The following TFEC variants were observed in gnomAD, a reference collection of about 807,000 sequenced individuals.
The protein encoded by TFEC is class E basic helix-loop-helix protein 34.
In TFEC, 31 loss-of-function variants were observed where a neutral mutation model predicts 41.6. That is an observed-to-expected ratio of 0.74 (90% CI 0.56 to 1.01). TFEC has a LOEUF of 1.01. TFEC is among the 50% of genes least tolerant of loss of function. TFEC has a pLI of 0.00. For synonymous variants in TFEC, 143 were observed against 140.6 expected (o/e 1.02, Z -0.12); for missense variants, 402 against 404.1 (o/e 0.99, Z 0.04).
chr7:116,045,754 G>A (rs540867208), intron 3 of TFEC, among the ~76,000 whole-genome samples: 1 of 152,294 alleles, frequency 6.6e-6, no homozygotes, highest in South Asian at 2.1e-4. Flanking sequence ...CCCCAGAATG[G>A]TAGATCCATT....
intron 1 of TFEC, among the ~76,000 whole-genome samples, chr7:116,003,672 C>A (rs962817648): frequency 1.3e-5 from 2 of 152,052 alleles, no homozygotes; most frequent in African/African-American, 4.8e-5. Context: ...TTTACCACCA[C>A]CAACAGGATA....
At chr7:116,001,221 G>A (rs142007847) in intron 1 of TFEC, among the ~76,000 whole-genome samples, 1 of 152,254 alleles carries the variant, frequency 6.6e-6, no homozygotes, top group East Asian at 1.9e-4. Context: ...TTCAATAAAT[G>A]ATGCTGGGAA....
At chr7:116,099,177 G>A (rs1363268371) in intron 3 of TFEC, among the ~76,000 whole-genome samples, 1 of 152,016 alleles carries the variant, frequency 6.6e-6, no homozygotes, top group Admixed American at 6.6e-5. Context: ...ACAAAGAATC[G>A]GTATCAAAAA....
intron 1 of TFEC, among the ~76,000 whole-genome samples, chr7:116,146,465 T>C (rs1798643682): frequency 6.6e-6 from 1 of 152,206 alleles, no homozygotes; most frequent in African/African-American, 2.4e-5. Context: ...TGGAGAAATT[T>C]AATGATCTTC....
chr7:115,994,876 C>T (rs187109672), intron 1 of TFEC, among the ~76,000 whole-genome samples: 109 of 152,052 alleles, frequency 7.2e-4, no homozygotes, highest in African/African-American at 2.4e-3. Flanking sequence ...TAAATCATGC[C>T]GCTATAAAGA....
At chr7:116,128,436 C>T (rs1798259749) in intron 1 of TFEC, among the ~76,000 whole-genome samples, 1 of 152,028 alleles carries the variant, frequency 6.6e-6, no homozygotes, top group African/African-American at 2.4e-5. Context: ...AATTATTCAA[C>T]AAGAATATAA....
intron 3 of TFEC, among the ~76,000 whole-genome samples, chr7:116,062,225 CTTTTTTT>C (rs569480964): frequency 1.9e-5 from 1 of 51,900 alleles, no homozygotes; most frequent in African/African-American, 1.1e-4. Flanking sequence ...CATGCCTGGC[CTTTTTTT>C]TTTTTTTTTT....
At chr7:115,989,136 T>C (rs948955927) in intron 1 of TFEC, among the ~76,000 whole-genome samples, 1 of 152,160 alleles carries the variant, frequency 6.6e-6, no homozygotes, top group African/African-American at 2.4e-5. Flanking sequence ...AAGAAAATAA[T>C]GTAGGTCAAA....
rs187009749 is a variant in TFEC at position 116,137,357 on chromosome 7, G to A, written c.-69+22433C>T. ...TACCAGTGGACTTCTAAATCCTCAAGGGAAAGAAATAAACACACACAGTGC... is the reference window on the plus strand; with the variant it reads ...TACCAGTGGACTTCTAAATCCTCAAAGGAAAGAAATAAACACACACAGTGC... On this transcript the variant is annotated intron_variant, in intron 1 of 8. Transcript: ENST00000484212. Among the ~76,000 whole-genome samples the A allele has an allele frequency of 2.1e-4, 32 of 152,224 alleles. 1 individual carries two copies. The highest frequency in any genetic ancestry group is 7.0e-4 in the African/African-American group (29 of 41,564).
intron 1 of TFEC, among the ~76,000 whole-genome samples, chr7:116,143,042 C>T (rs1798572623): frequency 6.6e-6 from 1 of 152,174 alleles, no homozygotes; most frequent in Admixed American, 6.5e-5. Flanking sequence ...TTCAGTCTCA[C>T]AGGATGTGAA....
upstream of TFEC, chr7:116,030,924 C>A: frequency 1.4e-6 from 1 of 702,366 alleles, no homozygotes; most frequent in Non-Finnish European, 1.7e-6. Context: ...AAATATGCCA[C>A]TAATTTGAGA....
chr7:116,127,090 G>GTTTTTGT (rs568486034), intron 1 of TFEC, among the ~76,000 whole-genome samples: 4 of 149,350 alleles, frequency 2.7e-5, no homozygotes, highest in Non-Finnish European at 4.5e-5. Context: ...TTTGGTTTTT[G>GTTTTTGT]TTTTTGTTTT....
At chr7:115,964,273 G>T (rs1792728506) in intron 3 of TFEC, among the ~76,000 whole-genome samples, 1 of 151,348 alleles carries the variant, frequency 6.6e-6, no homozygotes, top group Non-Finnish European at 1.5e-5. Flanking sequence ...ACTTCACAAA[G>T]AAAAAATCTG....
At position 116,017,833 on chromosome 7, in the gene TFEC, A is replaced by G. The variant is rs185464275; in HGVS notation, c.-73+12800T>C. 3.3e-5 allele frequency among the ~76,000 whole-genome samples: 5 copies of G among 152,172 alleles called. No individual in the cohort carries two copies. The East Asian group carries it at 9.7e-4, about 29-fold the overall frequency. Reference sequence around the variant, plus strand: ...CTGTTTAAATAGGTCCTTCCCTAATATATTTTTGTTTCTGAACTCTCATAG... The same window carrying G: ...CTGTTTAAATAGGTCCTTCCCTAATGTATTTTTGTTTCTGAACTCTCATAG... On this transcript the variant is annotated intron_variant, in intron 1 of 7. Coordinates refer to ENST00000265440, the MANE Select transcript of TFEC (RefSeq NM_012252.4).
At chr7:116,099,703 G>A (rs1252658836) in intron 3 of TFEC, among the ~76,000 whole-genome samples, 1 of 152,150 alleles carries the variant, frequency 6.6e-6, no homozygotes, top group Non-Finnish European at 1.5e-5. Flanking sequence ...GGAAGCAAGC[G>A]AATGAACCTA....
At position 116,026,181 on chromosome 7, in the gene TFEC, G is replaced by A. The variant is rs369034047; in HGVS notation, c.-73+4452C>T. ...CCCACTTCATGTTATTTCACACAATGGTTCCACTTCTAATCAAAGACCCCT... is the reference window on the plus strand; with the variant it reads ...CCCACTTCATGTTATTTCACACAATAGTTCCACTTCTAATCAAAGACCCCT... On this transcript the variant is annotated intron_variant, in intron 1 of 7. Coordinates refer to ENST00000265440, the MANE Select transcript of TFEC (RefSeq NM_012252.4). 3.9e-5 allele frequency among the ~76,000 whole-genome samples: 6 copies of A among 152,136 alleles called. No homozygotes were observed. In the East Asian group the frequency reaches 9.6e-4, roughly 24 times the overall value.
intron 3 of TFEC, 86 bp from the exon 4 acceptor site, chr7:115,956,879 T>C: frequency 1.3e-6 from 1 of 743,810 alleles, no homozygotes; most frequent in East Asian, 3.4e-5. Flanking sequence ...TTTTCCACTT[T>C]AAATGTGGCA....
chr7:116,082,052 G>C (rs954496090), intron 3 of TFEC, among the ~76,000 whole-genome samples: 1 of 151,784 alleles, frequency 6.6e-6, no homozygotes, highest in African/African-American at 2.4e-5. Flanking sequence ...ATTGCTATTC[G>C]TTTATACATC....
chr7:116,152,445 C>T (rs1415653293), intron 1 of TFEC, among the ~76,000 whole-genome samples: 1 of 152,186 alleles, frequency 6.6e-6, no homozygotes, highest in African/African-American at 2.4e-5. Flanking sequence ...AGAGAAGAAG[C>T]TCCTGAGATC....
Sources: allele counts gnomAD v4.1 joint callset (sites outside exome capture counted in the v4.1 genomes callset), GRCh38; gene constraint gnomAD v4.1.1; transcripts MANE v1.5; gene names NCBI Gene and HGNC (gene_info 2026-07-23, HGNC 2026-07-21).